The following AKT3 variants were observed in gnomAD, a reference collection of about 807,000 sequenced individuals.
AKT3 encodes the protein RAC-gamma serine/threonine-protein kinase.
Under a neutral mutation model 65.3 loss-of-function variants are expected in AKT3, and 15 were observed. The ratio of observed to expected loss-of-function variants is 0.23; its 90% CI spans 0.15 to 0.35. The LOEUF (loss-of-function observed/expected upper bound fraction) is 0.35. Among genes scored for constraint, AKT3 ranks in the 10% least tolerant of loss-of-function variants. The pLI is 1.00. For synonymous variants in AKT3, 206 were observed against 183.8 expected (o/e 1.12, Z -0.98); for missense variants, 243 against 576.5 (o/e 0.42, Z 5.92).
intron 12 of AKT3, among the ~76,000 whole-genome samples, chr1:243,513,701 A>G (rs74153908): frequency 0.012 from 1,787 of 152,286 alleles, 31 homozygotes; most frequent in African/African-American, 0.041. Flanking sequence ...CAGCTATTCT[A>G]AGGTCTTCAT....
chr1:243,850,245 G>GGGGAGGGA (rs960520515), upstream of AKT3: 7 of 157,108 alleles, frequency 4.5e-5, no homozygotes, highest in African/African-American at 1.5e-4. Flanking sequence ...AAGGGCTGCA[G>GGGGAGGGA]GGGAGGGAGG....
chr1:243,547,132 A>G (rs73122365), intron 11 of AKT3, among the ~76,000 whole-genome samples: 1,543 of 151,852 alleles, frequency 0.01, 30 homozygotes, highest in African/African-American at 0.035. Flanking sequence ...GTATTTGCCA[A>G]TTCTGGCGGT....
chr1:243,841,430 TC>T (rs958096789), intron 2 of AKT3, among the ~76,000 whole-genome samples: 8 of 151,536 alleles, frequency 5.3e-5, no homozygotes, highest in African/African-American at 1.7e-4. Context: ...TGATTTGCCA[TC>T]CCCCTCCAAA....
intron 12 of AKT3, among the ~76,000 whole-genome samples, chr1:243,542,256 TAGTTA>T (rs1558601585): frequency 6.6e-6 from 1 of 152,178 alleles, no homozygotes; most frequent in Non-Finnish European, 1.5e-5. Context: ...AGCTTGAAGG[TAGTTA>T]AAGGATCATA....
Position 243,545,503 on chromosome 1 carries a change from A to G in AKT3, c.1251+7T>C, listed in dbSNP as rs777578686. The G allele has an allele frequency of 6.3e-7, 1 of 1,581,222 alleles. No individual in the cohort carries two copies. Among genetic ancestry groups the G allele is most frequent in the South Asian group, 1.1e-5 (1 of 89,608 alleles). On this transcript the variant is annotated splice_region_variant and intron_variant, in intron 12 of 13. Coordinates refer to ENST00000673466, the MANE Select transcript of AKT3 (RefSeq NM_005465.7). ...TATATACACACTATGCCATAAAGAA[A>G]TCTTACCTTTTTATCATATACATCT... is the stretch of plus-strand genomic sequence containing the variant.
chr1:243,561,076 A>G (rs1254478406), intron 10 of AKT3, among the ~76,000 whole-genome samples: 1 of 152,150 alleles, frequency 6.6e-6, no homozygotes, highest in African/African-American at 2.4e-5. Context: ...AGAGAATTCT[A>G]AACTACAAAT....
chr1:243,815,797 T>TGTTGTTGTTGTTGTTGTTGTTGTA (rs973526143), intron 2 of AKT3, among the ~76,000 whole-genome samples: 5 of 151,612 alleles, frequency 3.3e-5, no homozygotes, highest in Admixed American at 3.3e-4. Flanking sequence ...TTGTTGTTGT[T>TGTTGTTGTTGTTGTTGTTGTTGTA]GTAGAGATGA....
In AKT3 at chr1:243,647,916, T is replaced by G. The variant is rs78175505; in HGVS notation, c.285-1879A>C. Among the ~76,000 whole-genome samples the G allele has an allele frequency of 4.7e-3, 718 of 152,286 alleles. 7 individuals carry two copies. The highest frequency in any genetic ancestry group is 0.017 in the African/African-American group (693 of 41,568). ...CATTTACTTAATCAACTAAGTTCTA[T>G]TCTATTTCTAGCCATCTGCATATTT... On this transcript the variant is annotated intron_variant, in intron 4 of 13. Transcript: ENST00000673466.
rs368906983 is a variant in AKT3 at position 243,588,147 on chromosome 1, G to A, written c.697-15099C>T. Among the ~76,000 whole-genome samples the A allele has an allele frequency of 1.6e-4, 25 of 152,312 alleles. No individual in the cohort carries two copies. The South Asian group carries it at 2.9e-3, about 18-fold the overall frequency. On this transcript the variant is annotated intron_variant, in intron 8 of 13. Coordinates refer to ENST00000673466, the MANE Select transcript of AKT3 (RefSeq NM_005465.7). ...AACATCAGATTTTGAGGATGATGAGGTAGATGGCATTTGCAGGACAGAACA... is the reference window on the plus strand; with the variant it reads ...AACATCAGATTTTGAGGATGATGAGATAGATGGCATTTGCAGGACAGAACA...
At chr1:243,545,658 C>CA in intron 11 of AKT3, 61 bp from the exon 12 acceptor site, 2 of 1,213,690 alleles carry the variant, frequency 1.6e-6, no homozygotes, top group Non-Finnish European at 2.4e-6. Flanking sequence ...CAAAGCATAA[C>CA]AAAAAATATT....
chr1:243,816,246 A>C (rs1000348154), intron 2 of AKT3, among the ~76,000 whole-genome samples: 9 of 152,236 alleles, frequency 5.9e-5, no homozygotes, highest in African/African-American at 2.2e-4. Flanking sequence ...TAGCAGTTTG[A>C]ATTGCTTTTT....
chr1:243,824,301 A>G (rs756221316), intron 2 of AKT3, among the ~76,000 whole-genome samples: 4 of 152,214 alleles, frequency 2.6e-5, no homozygotes, highest in Non-Finnish European at 4.4e-5. Context: ...CAAAACTATA[A>G]AAACTCTAGA....
At chr1:243,760,998 C>A (rs1419870393) in intron 2 of AKT3, among the ~76,000 whole-genome samples, 1 of 152,150 alleles carries the variant, frequency 6.6e-6, no homozygotes, top group African/African-American at 2.4e-5. Flanking sequence ...CAGAGACTTG[C>A]AAGAACCCAG....
At chr1:243,614,431 T>C (rs915979830) in intron 7 of AKT3, among the ~76,000 whole-genome samples, 1 of 152,064 alleles carries the variant, frequency 6.6e-6, no homozygotes, top group Non-Finnish European at 1.5e-5. Context: ...ACCAAGAAAA[T>C]ACAGAAACTT....
rs1177937178 is a variant in AKT3 at position 243,591,253 on chromosome 1, A to G, written c.697-18205T>C. Among the ~76,000 whole-genome samples the G allele has an allele frequency of 3.3e-5, 5 of 152,338 alleles. No homozygotes were observed. The South Asian group carries it at 1.0e-3, about 32-fold the overall frequency. On this transcript the variant is annotated intron_variant, in intron 8 of 13. Transcript: ENST00000673466. Reference sequence around the variant, plus strand: ...TCACCAGGCTAACAGAAAGGCAAAAATATTTCATGTTCTCACATGGCAAAA... The same window carrying G: ...TCACCAGGCTAACAGAAAGGCAAAAGTATTTCATGTTCTCACATGGCAAAA...
Position 243,563,855 on chromosome 1 carries a change from A to T in AKT3, c.820-7T>A. Reference sequence around the variant, plus strand: ...CCAGCATTAGATTCTCCAACTGTGTATTAAGAAAAATGACATAATTTGTTC... The same window carrying T: ...CCAGCATTAGATTCTCCAACTGTGTTTTAAGAAAAATGACATAATTTGTTC... On this transcript the variant is annotated splice_region_variant and splice_polypyrimidine_tract_variant and intron_variant, in intron 9 of 13. Transcript: ENST00000673466. 1 of 1,600,086 alleles carries T rather than the reference A, an allele frequency of 6.2e-7. No homozygotes were observed. Among genetic ancestry groups the T allele is most frequent in the Non-Finnish European group, 8.5e-7 (1 of 1,175,978 alleles).
chr1:243,730,233 C>A (rs1390194364), intron 2 of AKT3, among the ~76,000 whole-genome samples: 2 of 152,234 alleles, frequency 1.3e-5, no homozygotes, highest in Non-Finnish European at 2.9e-5. Context: ...CCCATAAAAA[C>A]CCCAGCTTCA....
chr1:243,673,778 C>T (rs188526482), intron 3 of AKT3, among the ~76,000 whole-genome samples: 1 of 152,122 alleles, frequency 6.6e-6, no homozygotes, highest in African/African-American at 2.4e-5. Flanking sequence ...CTAGGCCCAG[C>T]TAAGTTTTGT....
chr1:243,824,521 A>G (rs1694045296), intron 2 of AKT3, among the ~76,000 whole-genome samples: 1 of 152,192 alleles, frequency 6.6e-6, no homozygotes, highest in South Asian at 2.1e-4. Context: ...ACAAAGGGCT[A>G]ATATTCAGAA....
Sources: gnomAD v4.1 joint callset for allele counts (sites outside exome capture counted in the v4.1 genomes callset) on GRCh38, gnomAD v4.1.1 for gene constraint, MANE v1.5 for transcripts, NCBI Gene and HGNC (gene_info 2026-07-23, HGNC 2026-07-21) for gene names.